The following CNST variants were observed in gnomAD, a reference collection of about 807,000 sequenced individuals.
The protein encoded by CNST is consortin.
CNST carries 39 observed loss-of-function variants against 72.4 expected under a neutral mutation model. That is an observed-to-expected ratio of 0.54 (90% CI 0.42 to 0.70). The LOEUF is 0.70. CNST is among the 30% of genes least tolerant of loss of function. The pLI, the probability that CNST is intolerant of heterozygous loss-of-function variation, is 0.00. For missense variants in CNST, 871 were observed against 868.5 expected (o/e 1.00, Z -0.04); for synonymous variants, 332 against 320.1 (o/e 1.04, Z -0.40).
At position 246,665,814 on chromosome 1, in the gene CNST, T is replaced by C. The variant is rs1412536444; in HGVS notation, c.2087T>C (p.Val696Ala). 9.3e-6 allele frequency: 15 copies of C among 1,613,702 alleles called. No individual in the cohort carries two copies. Among genetic ancestry groups the C allele is most frequent in the Admixed American group, 1.7e-5 (1 of 59,994 alleles). The stretch of plus-strand genomic sequence containing the variant: ...ACTTTCGGTGACATGGAGTCACCTG[T>C]TTGTACTGACTTTGCAGACAACATG... ...YCTFGDMESP[V>A]CTDFADNMDF... Residue 696 changes from valine (V) to alanine (A), a missense_variant, in exon 11 of 11, where the codon GTT becomes GCT. By Grantham distance (64) the Val-to-Ala change is moderately conservative (BLOSUM62 0). Transcript: ENST00000366513.
chr1:246,621,251 G>A (rs565435840), intron 2 of CNST, among the ~76,000 whole-genome samples, 178 bp from the exon 3 acceptor site: 12 of 152,290 alleles, frequency 7.9e-5, no homozygotes, highest in African/African-American at 2.9e-4. Flanking sequence ...ATCAGACAGA[G>A]TTTAATCAGA....
intron 3 of CNST, among the ~76,000 whole-genome samples, chr1:246,626,449 T>C (rs1275130693): frequency 8.2e-6 from 1 of 121,578 alleles, no homozygotes; most frequent in African/African-American, 3.2e-5. Context: ...TGTAGGTTTG[T>C]CCTTTTTTTT....
Position 246,660,245 on chromosome 1 carries a change from A to G in CNST, c.1883A>G (p.Asp628Gly). ...GLVSILKKRNDTVGDHPAQMQ... is the reference protein window; with the variant it reads ...GLVSILKKRNGTVGDHPAQMQ... ...GTCTCCATATTAAAGAAGAGGAATG[A>G]TACTGTAGGAGATCATCCTGCCCAA... The change falls in exon 10 of 11, where the codon GAT becomes GGT. Residue 628 changes from aspartate (D) to glycine (G), a missense_variant. Coordinates refer to ENST00000366513, the MANE Select transcript of CNST (RefSeq NM_152609.3). The G allele has an allele frequency of 2.5e-6, 4 of 1,613,070 alleles. No individual in the cohort carries two copies. The highest frequency in any genetic ancestry group is 1.1e-5 in the South Asian group (1 of 90,958).
intron 1 of CNST, chr1:246,566,900 C>A: frequency 2.7e-6 from 1 of 368,172 alleles, no homozygotes. Context: ...CCAATTTCTC[C>A]CTCCCTAGGG....
rs553580632 is a variant in CNST, at chr1:246,634,161, C to G, written c.703+151C>G. The G allele has an allele frequency of 9.7e-6, 6 of 616,198 alleles. No homozygotes were observed. The Admixed American group carries it at 1.2e-4, about 13-fold the overall frequency. The allele number at this position is 616,198 out of a possible 1,614,324, so 38.2% of individuals were successfully genotyped here. The stretch of plus-strand genomic sequence containing the variant: ...TGCAAAGAAAGTAGCATTTTTACCA[C>G]AAGTCTATTATATTGTGAGAAGACT... On this transcript the variant is annotated intron_variant, in intron 5 of 10. Transcript: ENST00000366513.
intron 2 of CNST, among the ~76,000 whole-genome samples, chr1:246,594,947 A>G (rs1277849106): frequency 2.0e-5 from 3 of 152,228 alleles, no homozygotes; most frequent in African/African-American, 4.8e-5. Context: ...TAGATTTCAT[A>G]GTAGAGATGG....
intron 2 of CNST, among the ~76,000 whole-genome samples, chr1:246,614,871 A>G (rs1663577975): frequency 6.6e-6 from 1 of 152,160 alleles, no homozygotes; most frequent in Non-Finnish European, 1.5e-5. Flanking sequence ...CCAATCATGC[A>G]AAGAAATGGT....
intron 9 of CNST, among the ~76,000 whole-genome samples, chr1:246,659,510 G>C (rs1234488904): frequency 6.6e-6 from 1 of 152,008 alleles, no homozygotes; most frequent in East Asian, 1.9e-4. Flanking sequence ...CAGGAGAACG[G>C]CATGAACCCG....
At chr1:246,613,502 G>A (rs1045464769) in intron 2 of CNST, among the ~76,000 whole-genome samples, 31 of 151,746 alleles carry the variant, frequency 2.0e-4, no homozygotes, top group African/African-American at 7.5e-4. Flanking sequence ...TAGTTTCATT[G>A]CAGTGAAAGG....
chr1:246,576,902 G>A (rs1402442922), intron 1 of CNST, among the ~76,000 whole-genome samples: 4 of 151,918 alleles, frequency 2.6e-5, no homozygotes, highest in Admixed American at 2.0e-4. Flanking sequence ...GATTAATTTC[G>A]CCTGTAGGAA....
intron 1 of CNST, 32 bp downstream of exon 1, chr1:246,566,695 C>T (rs909799351): frequency 7.5e-6 from 3 of 400,184 alleles, no homozygotes; most frequent in Non-Finnish European, 1.3e-5. Context: ...TGCAGGGGAC[C>T]CGCCGGCTCG....
chr1:246,640,482 CT>C (rs1361391519), intron 6 of CNST, among the ~76,000 whole-genome samples: 2 of 151,970 alleles, frequency 1.3e-5, no homozygotes, highest in African/African-American at 2.4e-5. Flanking sequence ...AAGGCACTTA[CT>C]TTTTTAAAAA....
chr1:246,621,055 GTTATAAT>G (rs1166757647), intron 2 of CNST, among the ~76,000 whole-genome samples: 1 of 152,250 alleles, frequency 6.6e-6, no homozygotes, highest in East Asian at 1.9e-4. Flanking sequence ...GAAGGGTGAA[GTTATAAT>G]TTATAACAGT....
intron 3 of CNST, among the ~76,000 whole-genome samples, chr1:246,621,887 T>C (rs539283895): frequency 6.6e-6 from 1 of 152,222 alleles, no homozygotes; most frequent in African/African-American, 2.4e-5. Context: ...CCCAGCTACT[T>C]GGGAGGCCAA....
intron 1 of CNST, among the ~76,000 whole-genome samples, chr1:246,581,506 G>A (rs1358961686): frequency 6.6e-6 from 1 of 151,846 alleles, no homozygotes; most frequent in Non-Finnish European, 1.5e-5. Context: ...CGGGTGATCC[G>A]CCCACCTTGG....
At chr1:246,661,369 C>T (rs1249144803) in intron 10 of CNST, among the ~76,000 whole-genome samples, 4 of 152,120 alleles carry the variant, frequency 2.6e-5, no homozygotes, top group African/African-American at 4.8e-5. Context: ...CCACCCACCT[C>T]GGCCTCCCAA....
At chr1:246,570,542 C>A (rs1264071292) in intron 1 of CNST, among the ~76,000 whole-genome samples, 1 of 152,174 alleles carries the variant, frequency 6.6e-6, no homozygotes, top group Non-Finnish European at 1.5e-5. Flanking sequence ...TGAACAAACT[C>A]CCTCTGTCAA....
intron 1 of CNST, among the ~76,000 whole-genome samples, chr1:246,579,269 C>T (rs575298714): frequency 6.6e-6 from 1 of 152,168 alleles, no homozygotes; most frequent in South Asian, 2.1e-4. Flanking sequence ...TTTGCAGATC[C>T]CTGGTCAGCT....
At chr1:246,611,046 G>GC (rs1480482072) in intron 2 of CNST, among the ~76,000 whole-genome samples, 1 of 152,154 alleles carries the variant, frequency 6.6e-6, no homozygotes, top group Non-Finnish European at 1.5e-5. Context: ...CAACAGAGAG[G>GC]CAAGTGCCTT....
Sources: allele counts gnomAD v4.1 joint callset (sites outside exome capture counted in the v4.1 genomes callset), GRCh38; gene constraint gnomAD v4.1.1; transcripts MANE v1.5; gene names NCBI Gene and HGNC (gene_info 2026-07-23, HGNC 2026-07-21).